The following L3MBTL4 variants were observed in gnomAD, a reference collection of about 807,000 sequenced individuals.
The protein encoded by L3MBTL4 is L3MBTL histone methyl-lysine binding protein 4.
In L3MBTL4, 70 loss-of-function variants were observed where a neutral mutation model predicts 84.5. The observed-to-expected ratio is 0.83, with a 90% CI of 0.68 to 1.01. L3MBTL4 has a LOEUF of 1.01. L3MBTL4 is among the 50% of genes least tolerant of loss of function. The probability of loss-of-function intolerance (pLI) is 0.00; values close to 1 mark genes in which losing one functional copy is unlikely to be tolerated. For synonymous variants in L3MBTL4, 274 were observed against 259.8 expected (o/e 1.05, Z -0.52); for missense variants, 715 against 754.8 (o/e 0.95, Z 0.62).
intron 1 of L3MBTL4, among the ~76,000 whole-genome samples, chr18:6,383,855 C>T (rs2054703789): frequency 6.6e-6 from 1 of 152,144 alleles, no homozygotes; most frequent in Non-Finnish European, 1.5e-5. Flanking sequence ...CATACACTGG[C>T]TCCTCTAATT....
chr18:6,145,229 T>C (rs1179346307), intron 13 of L3MBTL4, among the ~76,000 whole-genome samples: 3 of 152,158 alleles, frequency 2.0e-5, no homozygotes, highest in Admixed American at 1.3e-4. Flanking sequence ...AAGGGAACTG[T>C]CTTTTCTTAT....
intron 16 of L3MBTL4, among the ~76,000 whole-genome samples, chr18:6,063,392 T>C (rs143320297): frequency 6.1e-4 from 93 of 151,636 alleles, no homozygotes; most frequent in African/African-American, 2.1e-3. Flanking sequence ...AGTAGTGGAA[T>C]TGCTGGATCA....
At chr18:6,225,350 C>T (rs992650774) in intron 10 of L3MBTL4, among the ~76,000 whole-genome samples, 1 of 152,200 alleles carries the variant, frequency 6.6e-6, no homozygotes, top group African/African-American at 2.4e-5. Context: ...GAATAATGGG[C>T]CTGCCCAAGT....
At chr18:6,177,490 G>T (rs1251124212) in intron 12 of L3MBTL4, among the ~76,000 whole-genome samples, 1 of 152,226 alleles carries the variant, frequency 6.6e-6, no homozygotes, top group Non-Finnish European at 1.5e-5. Flanking sequence ...GGAAGCTTCT[G>T]TGTTGTTGGA....
At chr18:6,247,466 AT>A (rs71163266) in intron 5 of L3MBTL4, among the ~76,000 whole-genome samples, 688 of 49,616 alleles carry the variant, frequency 0.014, 1 homozygote, top group Non-Finnish European at 0.016. Flanking sequence ...CCCTCCTCTG[AT>A]TTTTTTTTTT....
chr18:5,972,313 C>A (rs1430712375), intron 16 of L3MBTL4, among the ~76,000 whole-genome samples: 1 of 152,138 alleles, frequency 6.6e-6, no homozygotes. Context: ...TTTGAAAACT[C>A]ATAAAGACCT....
Position 6,194,233 on chromosome 18 carries a change from A to T in L3MBTL4, c.981+18916T>A, listed in dbSNP as rs80352813. Among the ~76,000 whole-genome samples the T allele has an allele frequency of 6.5e-3, 984 of 152,308 alleles. 9 individuals carry two copies. Among genetic ancestry groups the T allele is most frequent in the African/African-American group, 0.023 (949 of 41,562 alleles). ...CAGTAGCACACCTTCCCACATCGCC[A>T]CTGAAATAAGTAAATATCCCAGAAT... On this transcript the variant is annotated intron_variant, in intron 12 of 18. Transcript: ENST00000317931.
At chr18:6,380,283 A>AT (rs1223278914) in intron 1 of L3MBTL4, among the ~76,000 whole-genome samples, 3 of 151,978 alleles carry the variant, frequency 2.0e-5, no homozygotes, top group Non-Finnish European at 4.4e-5. Context: ...GGATTCATTG[A>AT]TTTTTTGAAG....
intron 16 of L3MBTL4, among the ~76,000 whole-genome samples, chr18:5,980,707 C>T (rs2053173192): frequency 6.6e-6 from 1 of 152,184 alleles, no homozygotes; most frequent in African/African-American, 2.4e-5. Flanking sequence ...GCCAGGATTA[C>T]AAGCATGAGC....
At chr18:6,105,925 CACA>C (rs2058990576) in intron 14 of L3MBTL4, among the ~76,000 whole-genome samples, 1 of 151,668 alleles carries the variant, frequency 6.6e-6, no homozygotes, top group Non-Finnish European at 1.5e-5. Context: ...ACCATCAAAA[CACA>C]ACTTGATTAG....
intron 4 of L3MBTL4, among the ~76,000 whole-genome samples, chr18:6,289,362 T>A (rs944437028): frequency 6.6e-6 from 1 of 152,202 alleles, no homozygotes; most frequent in African/African-American, 2.4e-5. Context: ...GAAATATTGA[T>A]CTGCTCTTTA....
chr18:6,276,833 C>A (rs1375549684), intron 4 of L3MBTL4, among the ~76,000 whole-genome samples: 1 of 151,868 alleles, frequency 6.6e-6, no homozygotes, highest in Admixed American at 6.6e-5. Flanking sequence ...CTATAAATTT[C>A]CGATGTGGTG....
chr18:5,961,920 G>A (rs1020355394), intron 17 of L3MBTL4, among the ~76,000 whole-genome samples: 3 of 152,302 alleles, frequency 2.0e-5, no homozygotes, highest in African/African-American at 7.2e-5. Flanking sequence ...AGTGCTGTTG[G>A]TGGCAGATGG....
chr18:6,302,644 G>A (rs115620806), intron 3 of L3MBTL4, among the ~76,000 whole-genome samples: 305 of 152,282 alleles, frequency 2.0e-3, no homozygotes, highest in African/African-American at 6.7e-3. Flanking sequence ...ATCCAGATAT[G>A]TGTCTTCTTT....
chr18:5,985,716 T>A (rs1042707528), intron 16 of L3MBTL4, among the ~76,000 whole-genome samples: 2 of 152,142 alleles, frequency 1.3e-5, no homozygotes, highest in Non-Finnish European at 2.9e-5. Context: ...ATTATTTACC[T>A]ACCTACCTGG....
chr18:6,008,223 T>C (rs1016521495), intron 16 of L3MBTL4, among the ~76,000 whole-genome samples: 3 of 152,092 alleles, frequency 2.0e-5, no homozygotes, highest in Non-Finnish European at 4.4e-5. Context: ...CACTGAGCCC[T>C]CCTCCACACT....
chr18:6,392,291 G>A (rs939202361), intron 1 of L3MBTL4, among the ~76,000 whole-genome samples: 4 of 152,176 alleles, frequency 2.6e-5, no homozygotes, highest in African/African-American at 7.2e-5. Flanking sequence ...GCTTACATCC[G>A]CAATCCCAGC....
chr18:6,297,338 A>G (rs554272306), intron 4 of L3MBTL4, among the ~76,000 whole-genome samples: 1 of 152,304 alleles, frequency 6.6e-6, no homozygotes, highest in East Asian at 1.9e-4. Context: ...CTGTCTTGGG[A>G]CAGAAAAAGG....
chr18:6,072,329 G>T (rs758299550), intron 16 of L3MBTL4, among the ~76,000 whole-genome samples: 83 of 151,848 alleles, frequency 5.5e-4, no homozygotes, highest in Non-Finnish European at 1.8e-4. Context: ...GACCACAGTG[G>T]AATAAAATTC....
Sources: gnomAD v4.1 joint callset for allele counts (sites outside exome capture counted in the v4.1 genomes callset) on GRCh38, gnomAD v4.1.1 for gene constraint, MANE v1.5 for transcripts, NCBI Gene and HGNC (gene_info 2026-07-23, HGNC 2026-07-21) for gene names.